PDE4D: variants seen among roughly 807,000 people sequenced by gnomAD.
PDE4D encodes 3',5'-cyclic-AMP phosphodiesterase 4D.
A neutral mutation model predicts 87.4 loss-of-function variants in PDE4D; 24 were observed. The observed-to-expected ratio is 0.27, with a 90% confidence interval of 0.20 to 0.39. The LOEUF (loss-of-function observed/expected upper bound fraction) is 0.39, where lower values mean the gene tolerates loss of function less well. PDE4D is among the 10% of genes least tolerant of loss of function. The pLI is 1.00. For missense variants in PDE4D, 714 were observed against 1,041.0 expected, an observed-to-expected ratio of 0.69 and a Z score of 4.32; for synonymous variants, 384 against 383.2, an observed-to-expected ratio of 1.00 and a Z score of -0.02.
intron 1 of PDE4D, among the ~76,000 whole-genome samples, chr5:59,499,908 G>A (rs1807979870): frequency 6.6e-6 from 1 of 150,886 alleles, no homozygotes; most frequent in Admixed American, 6.6e-5. Flanking sequence ...CAAGGAGGAG[G>A]AACTCCTAAT....
At chr5:59,601,575 A>T (rs1827510458) in intron 1 of PDE4D, among the ~76,000 whole-genome samples, 1 of 151,992 alleles carries the variant, frequency 6.6e-6, no homozygotes. Flanking sequence ...TTATACTTGA[A>T]CTGTCTTTCT....
intron 6 of PDE4D, among the ~76,000 whole-genome samples, chr5:59,032,114 T>C (rs1255335055): frequency 1.3e-5 from 2 of 152,158 alleles, no homozygotes; most frequent in African/African-American, 2.4e-5. Context: ...AAAAGATAAA[T>C]TGGTGAGGTA....
At chr5:58,989,544 GATCA>G (rs1293179344) in intron 10 of PDE4D, among the ~76,000 whole-genome samples, 6 of 152,010 alleles carry the variant, frequency 3.9e-5, no homozygotes, top group Non-Finnish European at 2.9e-5. Context: ...ATCATAAACA[GATCA>G]ATCACTAAAT....
chr5:59,628,431 A>AT (rs1831161234), intron 1 of PDE4D, among the ~76,000 whole-genome samples: 1 of 152,226 alleles, frequency 6.6e-6, no homozygotes, highest in Non-Finnish European at 1.5e-5. Flanking sequence ...AATAGCCACT[A>AT]ATGGATATTT....
intron 1 of PDE4D, chr5:59,587,503 G>C: frequency 1.0e-6 from 1 of 985,380 alleles, no homozygotes; most frequent in Non-Finnish European, 1.2e-6. Context: ...GAGTCCCCCA[G>C]CGCCGAATTT....
chr5:59,158,201 C>G (rs1780526758), intron 5 of PDE4D, among the ~76,000 whole-genome samples: 1 of 152,180 alleles, frequency 6.6e-6, no homozygotes, highest in African/African-American at 2.4e-5. Flanking sequence ...GATCATTTAA[C>G]TCTTCTCTGC....
intron 1 of PDE4D, among the ~76,000 whole-genome samples, chr5:60,449,067 CCGCGCACACACACA>C (rs1745878971): frequency 3.1e-5 from 4 of 129,758 alleles, no homozygotes; most frequent in Middle Eastern, 3.5e-3. Flanking sequence ...CCCCAACTGC[CCGCGCACACACACA>C]CACACACACA....
intron 1 of PDE4D, among the ~76,000 whole-genome samples, chr5:59,503,491 G>C (rs1449279784): frequency 6.6e-6 from 1 of 152,062 alleles, no homozygotes; most frequent in Non-Finnish European, 1.5e-5. Flanking sequence ...AGTAGATAAC[G>C]ATATCTAGTC....
intron 1 of PDE4D, among the ~76,000 whole-genome samples, chr5:60,241,059 G>A (rs940704552): frequency 6.6e-6 from 1 of 152,060 alleles, no homozygotes; most frequent in Admixed American, 6.5e-5. Context: ...CTGGGAAACA[G>A]ATATATGTGA....
At chr5:59,448,347 C>G (rs971731107) in intron 1 of PDE4D, among the ~76,000 whole-genome samples, 1 of 152,128 alleles carries the variant, frequency 6.6e-6, no homozygotes, top group East Asian at 1.9e-4. Flanking sequence ...ATTTCCCTGG[C>G]TCTGGGGTCT....
chr5:59,996,518 T>C (rs1003993051), intron 2 of PDE4D, among the ~76,000 whole-genome samples: 4 of 152,218 alleles, frequency 2.6e-5, no homozygotes, highest in Non-Finnish European at 5.9e-5. Context: ...ATTTTCTCCA[T>C]ATATTAGTCT....
intron 1 of PDE4D, among the ~76,000 whole-genome samples, chr5:60,206,453 T>C (rs1228705664): frequency 1.3e-5 from 2 of 152,260 alleles, no homozygotes; most frequent in Non-Finnish European, 2.9e-5. Flanking sequence ...TGTTTTGAAA[T>C]TTCTAAATAT....
chr5:59,421,639 G>A (rs1794496402), intron 1 of PDE4D, among the ~76,000 whole-genome samples: 1 of 152,056 alleles, frequency 6.6e-6, no homozygotes, highest in Admixed American at 6.6e-5. Context: ...AGAGTAAGAT[G>A]ATGAGTTCAA....
chr5:60,354,621 T>G (rs1476791944), intron 1 of PDE4D, among the ~76,000 whole-genome samples: 3 of 152,186 alleles, frequency 2.0e-5, no homozygotes, highest in African/African-American at 7.2e-5. Context: ...ATATGTTATT[T>G]CCTGTTTTCT....
At chr5:59,714,025 T>C (rs1266714077) in intron 1 of PDE4D, among the ~76,000 whole-genome samples, 1 of 152,076 alleles carries the variant, frequency 6.6e-6, no homozygotes, top group Non-Finnish European at 1.5e-5. Flanking sequence ...TTAGAGGCTG[T>C]TGTGAATGCA....
chr5:60,085,885 G>A (rs150716698), intron 2 of PDE4D, among the ~76,000 whole-genome samples: 1 of 152,172 alleles, frequency 6.6e-6, no homozygotes, highest in Non-Finnish European at 1.5e-5. Flanking sequence ...ATTTGTAAAT[G>A]ATGCAATTAT....
intron 2 of PDE4D, among the ~76,000 whole-genome samples, chr5:59,995,963 T>C (rs1371275619): frequency 6.6e-6 from 1 of 152,220 alleles, no homozygotes; most frequent in Non-Finnish European, 1.5e-5. Context: ...TATTAGATAT[T>C]GGTGTTACTA....
At chr5:59,860,180 C>G (rs898683619) in intron 1 of PDE4D, among the ~76,000 whole-genome samples, 1 of 152,044 alleles carries the variant, frequency 6.6e-6, no homozygotes, top group Non-Finnish European at 1.5e-5. Flanking sequence ...TGGCTTTTTA[C>G]TGTGAGAATG....
chr5:59,625,890 C>G (rs916726835), intron 1 of PDE4D, among the ~76,000 whole-genome samples: 3 of 152,154 alleles, frequency 2.0e-5, no homozygotes, highest in Non-Finnish European at 4.4e-5. Flanking sequence ...ACCATCCTAG[C>G]TAACACGGTG....
Sources: gnomAD v4.1 joint callset for allele counts (sites outside exome capture counted in the v4.1 genomes callset) on GRCh38, gnomAD v4.1.1 for gene constraint, MANE v1.5 for transcripts, NCBI Gene and HGNC (gene_info 2026-07-23, HGNC 2026-07-21) for gene names.